The following DYRK3 variants were observed in gnomAD, a reference collection of about 807,000 sequenced individuals.
DYRK3 encodes dual specificity tyrosine-phosphorylation-regulated kinase 3.
A neutral mutation model predicts 40.8 loss-of-function variants in DYRK3; 30 were observed. The ratio of observed to expected loss-of-function variants is 0.74; its 90% CI spans 0.55 to 1.00. The LOEUF is 1.00. Ranked by LOEUF, DYRK3 falls within the 50% of genes least tolerant of loss-of-function variation. The probability of loss-of-function intolerance (pLI) is 0.00; values close to 1 mark genes in which losing one functional copy is unlikely to be tolerated. For missense variants in DYRK3, 699 were observed against 731.5 expected, an observed-to-expected ratio of 0.96 and a Z score of 0.51; for synonymous variants, 272 against 260.7, an observed-to-expected ratio of 1.04 and a Z score of -0.42.
intron 2 of DYRK3, among the ~76,000 whole-genome samples, chr1:206,642,223 A>G (rs1228758551): frequency 2.0e-5 from 3 of 150,832 alleles, no homozygotes; most frequent in Middle Eastern, 3.4e-3. Context: ...TCAAAACCAC[A>G]ATGAGATACC....
intron 2 of DYRK3, among the ~76,000 whole-genome samples, chr1:206,642,873 A>G (rs569880998): frequency 1.2e-4 from 18 of 152,146 alleles, no homozygotes; most frequent in African/African-American, 3.6e-4. Flanking sequence ...ATGTATACAT[A>G]TGTAACATAT....
In DYRK3 at chr1:206,651,160, T is replaced by C. The variant is rs1032246493; in HGVS notation, c.*2195T>C. On this transcript the variant is annotated 3_prime_UTR_variant, in exon 3 of 3. Transcript: ENST00000367109. ...ATCTTGATCTCTTCAGATGTCACAC[T>C]AAATGCTGCTCATAACCCATCCTCC... Among the ~76,000 whole-genome samples the C allele has an allele frequency of 6.6e-6, 1 of 152,232 alleles. No individual in the cohort carries two copies. Among genetic ancestry groups the C allele is most frequent in the African/African-American group, 2.4e-5 (1 of 41,470 alleles).
In DYRK3 at chr1:206,651,874, A is replaced by G. The variant is rs1426317834; in HGVS notation, c.*2909A>G. On this transcript the variant is annotated 3_prime_UTR_variant, in exon 3 of 3. Coordinates refer to ENST00000367109, the MANE Select transcript of DYRK3 (RefSeq NM_003582.4). ...TTACTATTTTGCATTTTATATCAAC[A>G]TTAGCAGCCTGTTCCCACTCAGGTG... Among the ~76,000 whole-genome samples the G allele has an allele frequency of 6.6e-6, 1 of 152,226 alleles. No individual in the cohort carries two copies. Among genetic ancestry groups the G allele is most frequent in the Non-Finnish European group, 1.5e-5 (1 of 68,044 alleles).
At chr1:206,639,508 C>A (rs1671219966) in intron 2 of DYRK3, among the ~76,000 whole-genome samples, 1 of 140,950 alleles carries the variant, frequency 7.1e-6, no homozygotes, top group Admixed American at 7.5e-5. Context: ...CACTCTGTCA[C>A]CTAGGCTGGA....
chr1:206,637,833 T>A, intron 2 of DYRK3, 72 bp downstream of exon 2: 2 of 1,198,048 alleles, frequency 1.7e-6, no homozygotes, highest in Non-Finnish European at 2.4e-6. Context: ...ATGCTCAAGG[T>A]ACACTTATGT....
rs1287432995 is a variant in DYRK3 at position 206,654,946 on chromosome 1, A to G, written c.*5981A>G. Reference sequence around the variant, plus strand: ...GACTAAAAAGAAAGGAGAGTCCCACATCAGGCCAAGTGGTGACCTGTGGCT... The same window carrying G: ...GACTAAAAAGAAAGGAGAGTCCCACGTCAGGCCAAGTGGTGACCTGTGGCT... On this transcript the variant is annotated 3_prime_UTR_variant, in exon 3 of 3. Coordinates refer to ENST00000367109, the MANE Select transcript of DYRK3 (RefSeq NM_003582.4). Among the ~76,000 whole-genome samples the G allele has an allele frequency of 6.6e-6, 1 of 152,198 alleles. No homozygotes were observed. Among genetic ancestry groups the G allele is most frequent in the Non-Finnish European group, 1.5e-5 (1 of 68,020 alleles).
At chr1:206,640,341 T>C (rs1553419143) in intron 2 of DYRK3, among the ~76,000 whole-genome samples, 1 of 152,234 alleles carries the variant, frequency 6.6e-6, no homozygotes, top group East Asian at 1.9e-4. Context: ...CGAGATCCTG[T>C]TACTTTTTTT....
At position 206,647,961 on chromosome 1, in the gene DYRK3, C is replaced by T. The variant is rs782390001; in HGVS notation, c.763C>T (p.Arg255Trp). ...RFHRQAAEEIRILEHLKKQDK... is the reference protein window; with the variant it reads ...RFHRQAAEEIWILEHLKKQDK... The stretch of plus-strand genomic sequence containing the variant: ...TCATCGTCAAGCAGCTGAGGAGATC[C>T]GGATTTTGGAGCATCTTAAGAAACA... The change falls in exon 3 of 3, where the codon CGG (arginine) becomes TGG (tryptophan). Residue 255 changes from arginine (R) to tryptophan (W), a missense_variant. By Grantham distance (101) the Arg-to-Trp change is moderately radical. Coordinates refer to ENST00000367109, the MANE Select transcript of DYRK3 (RefSeq NM_003582.4). 25 of 1,613,978 alleles carry T rather than the reference C, an allele frequency of 1.5e-5. 1 individual carries two copies. Among genetic ancestry groups the T allele is most frequent in the East Asian group, 1.3e-4 (6 of 44,868 alleles).
In DYRK3 at chr1:206,635,783, A is replaced by T; in HGVS notation, c.77+3A>T. 8.0e-7 allele frequency: 1 copy of T among 1,243,310 alleles called. No homozygotes were observed. The highest frequency in any genetic ancestry group is 1.0e-6 in the Non-Finnish European group (1 of 989,502). The allele number at this position is 1,243,310 out of a possible 1,614,324, so 77.0% of individuals were successfully genotyped here. A position where few individuals can be genotyped will look rare whatever the true frequency, so the allele number is the denominator to read the frequency against. On this transcript the variant is annotated splice_donor_region_variant and intron_variant, in intron 1 of 2. Transcript: ENST00000367109. ...GGGCTCCCGCCCCAGCAGCGGAGGT[A>T]ACGGCGCCACGGGGTAACGGGCTGG...
rs1671634632 is a variant in DYRK3, at chr1:206,651,610, G to A, written c.*2645G>A. Among the ~76,000 whole-genome samples, 1 of 152,134 alleles carries A rather than the reference G, an allele frequency of 6.6e-6. No individual in the cohort carries two copies. The highest frequency in any genetic ancestry group is 1.5e-5 in the Non-Finnish European group (1 of 68,030). ...TTGACTTATGAATGGTTTTCCTGTA[G>A]GCCCAACAGTGTCATGACCCTCCAG... On this transcript the variant is annotated 3_prime_UTR_variant, in exon 3 of 3. Coordinates refer to ENST00000367109, the MANE Select transcript of DYRK3 (RefSeq NM_003582.4).
intron 2 of DYRK3, among the ~76,000 whole-genome samples, chr1:206,642,599 A>G (rs1553419505): frequency 2.0e-5 from 3 of 152,240 alleles, no homozygotes; most frequent in Non-Finnish European, 1.5e-5. Context: ...CTGTGCAGCC[A>G]TAAAAAAGGA....
At chr1:206,644,440 G>T (rs1553419783) in intron 2 of DYRK3, among the ~76,000 whole-genome samples, 1 of 152,174 alleles carries the variant, frequency 6.6e-6, no homozygotes, top group African/African-American at 2.4e-5. Context: ...ATATTTAGAT[G>T]AATTAAAGTT....
At chr1:206,641,671 A>T (rs1553419382) in intron 2 of DYRK3, among the ~76,000 whole-genome samples, 1 of 150,338 alleles carries the variant, frequency 6.7e-6, no homozygotes, top group Non-Finnish European at 1.5e-5. Flanking sequence ...TAAGAAGAGA[A>T]CCCCTCCCTG....
chr1:206,648,783 C>T lies in DYRK3; in HGVS notation c.1585C>T (p.Pro529Ser), dbSNP rs1398060649. The T allele has an allele frequency of 4.3e-6, 7 of 1,614,062 alleles. No individual in the cohort carries two copies. In the African/African-American group the frequency reaches 9.3e-5, roughly 22 times the overall value. ...TTGGATTAGCAAGTCTGTCCCCAGA[C>T]CTCTCACCACCATAGACAAGGTGTC... ...HPWISKSVPR[P>S]LTTIDKVSGK... Residue 529 changes from proline (P) to serine (S), a missense_variant, in exon 3 of 3, where the codon CCT (proline) becomes TCT (serine). By Grantham distance (74) the Pro-to-Ser change is moderately conservative (BLOSUM62 -1). Transcript: ENST00000367109.
intron 2 of DYRK3, 35 bp from the exon 3 acceptor site, chr1:206,647,353 T>C (rs782127596): frequency 6.5e-7 from 1 of 1,531,596 alleles, no homozygotes; most frequent in South Asian, 1.3e-5. Context: ...CTTTCTAATG[T>C]TTTTAATGAC....
At position 206,650,742 on chromosome 1, in the gene DYRK3, T is replaced by A. The variant is rs529956673; in HGVS notation, c.*1777T>A. On this transcript the variant is annotated 3_prime_UTR_variant, in exon 3 of 3. Transcript: ENST00000367109. ...ATGAGTATATTATTTAAGGAACTTTTGTTTTATCCAAAAGTAGTCATGATT... is the reference window on the plus strand; with the variant it reads ...ATGAGTATATTATTTAAGGAACTTTAGTTTTATCCAAAAGTAGTCATGATT... Among the ~76,000 whole-genome samples the A allele has an allele frequency of 1.2e-4, 19 of 152,338 alleles. No homozygotes were observed. The highest frequency in any genetic ancestry group is 6.2e-4 in the South Asian group (3 of 4,832).
rs781980943 is a variant in DYRK3 at position 206,648,601 on chromosome 1, G to A, written c.1403G>A (p.Arg468His). The change falls in exon 3 of 3, where the codon CGC becomes CAC. Residue 468 changes from arginine to histidine, a missense_variant. Coordinates refer to ENST00000367109, the MANE Select transcript of DYRK3 (RefSeq NM_003582.4). Reference sequence around the variant, plus strand: ...GGGAGGGTTGTGCTTGTGGGGGGTCGCTCACGTAGGGGTAAAAAGCGGGGT... The same window carrying A: ...GGGAGGGTTGTGCTTGTGGGGGGTCACTCACGTAGGGGTAAAAAGCGGGGT... ...ADGRVVLVGG[R>H]SRRGKKRGPP... 6.2e-6 allele frequency: 10 copies of A among 1,613,810 alleles called. No homozygotes were observed. Among genetic ancestry groups the A allele is most frequent in the Non-Finnish European group, 8.5e-6 (10 of 1,179,886 alleles).
At chr1:206,645,279 A>T (rs1438650253) in intron 2 of DYRK3, among the ~76,000 whole-genome samples, 1 of 152,080 alleles carries the variant, frequency 6.6e-6, no homozygotes, top group African/African-American at 2.4e-5. Flanking sequence ...ATTTTTAGAG[A>T]TTATAACTGT....
chr1:206,635,877 T>C (rs1339148774), intron 1 of DYRK3, 97 bp downstream of exon 1: 4 of 1,250,334 alleles, frequency 3.2e-6, no homozygotes, highest in Non-Finnish European at 4.0e-6. Flanking sequence ...GAGTGAGCCC[T>C]CAGTAGGAGG....
Sources: allele counts gnomAD v4.1 joint callset (sites outside exome capture counted in the v4.1 genomes callset), GRCh38; gene constraint gnomAD v4.1.1; transcripts MANE v1.5; gene names NCBI Gene and HGNC (gene_info 2026-07-23, HGNC 2026-07-21).